MECOM: variants seen among roughly 807,000 people sequenced by gnomAD.
MECOM encodes the protein histone-lysine N-methyltransferase MECOM.
A neutral mutation model predicts 116.3 loss-of-function variants in MECOM; 13 were observed. The observed-to-expected ratio is 0.11, with a 90% CI of 0.07 to 0.18. MECOM has a LOEUF of 0.18. MECOM is among the 10% of genes least tolerant of loss of function. The probability of loss-of-function intolerance (pLI) is 1.00; values close to 1 mark genes in which losing one functional copy is unlikely to be tolerated. For missense variants in MECOM, 1,299 were observed against 1,509.0 expected (o/e 0.86, Z 2.31); for synonymous variants, 528 against 535.2 (o/e 0.99, Z 0.19).
Position 169,663,518 on chromosome 3 carries a change from CTCTCTCTCT to C in MECOM, c.-155_-147del, listed in dbSNP as rs1776610774. The C allele has an allele frequency of 3.8e-5, 26 of 675,384 alleles. No individual in the cohort carries two copies. Among genetic ancestry groups the C allele is most frequent in the Admixed American group, 7.4e-5 (3 of 40,494 alleles). 41.8% of individuals were successfully genotyped at this position (675,384 alleles called of 1,614,324 possible). A position where few individuals can be genotyped will look rare whatever the true frequency, so the allele number is the denominator to read the frequency against. ...TCTCTCTCTCTCTCTCTCTCTCTCT[CTCTCTCTCT>C]CTCCCTCCCTCCTGTTTCTCTCCTG... On this transcript the variant is annotated 5_prime_UTR_variant, in exon 1 of 17. Transcript: ENST00000651503.
At chr3:169,389,355 A>G (rs971055887) in intron 1 of MECOM, among the ~76,000 whole-genome samples, 1 of 152,260 alleles carries the variant, frequency 6.6e-6, no homozygotes, top group Non-Finnish European at 1.5e-5. Context: ...TTCTGTGAGT[A>G]CTATTCCAAA....
intron 1 of MECOM, among the ~76,000 whole-genome samples, chr3:169,498,159 T>C (rs1364959523): frequency 6.6e-6 from 1 of 152,204 alleles, no homozygotes; most frequent in Non-Finnish European, 1.5e-5. Context: ...AATTATTTCT[T>C]CCATATCAGT....
intron 5 of MECOM, among the ~76,000 whole-genome samples, chr3:169,124,011 T>C (rs1019123783): frequency 6.6e-6 from 1 of 152,064 alleles, no homozygotes; most frequent in Non-Finnish European, 1.5e-5. Context: ...ACAAATAGGC[T>C]ATGAAGGGAA....
intron 1 of MECOM, among the ~76,000 whole-genome samples, chr3:169,555,133 C>G (rs1560426716): frequency 6.6e-6 from 1 of 152,074 alleles, no homozygotes; most frequent in East Asian, 1.9e-4. Flanking sequence ...TTTTAGGGGC[C>G]CAGAAATATA....
intron 1 of MECOM, among the ~76,000 whole-genome samples, chr3:169,394,045 C>T (rs1334032248): frequency 1.3e-5 from 2 of 152,044 alleles, no homozygotes; most frequent in Non-Finnish European, 2.9e-5. Flanking sequence ...GGAAAGATAC[C>T]TGAAGTCTAT....
At chr3:169,451,332 G>A (rs1294717286) in intron 1 of MECOM, among the ~76,000 whole-genome samples, 1 of 151,134 alleles carries the variant, frequency 6.6e-6, no homozygotes, top group Non-Finnish European at 1.5e-5. Context: ...GTAAAGAAAA[G>A]TCTTATACAT....
intron 2 of MECOM, among the ~76,000 whole-genome samples, chr3:169,333,260 T>C (rs1176562131): frequency 6.6e-6 from 1 of 152,070 alleles, no homozygotes. Context: ...GGACAAGAGA[T>C]ACAGAGGGGT....
At chr3:169,166,047 G>A (rs1743546735) in intron 2 of MECOM, among the ~76,000 whole-genome samples, 1 of 152,058 alleles carries the variant, frequency 6.6e-6, no homozygotes, top group Non-Finnish European at 1.5e-5. Flanking sequence ...CTCCCTAACT[G>A]TAGGGAGAAA....
intron 1 of MECOM, among the ~76,000 whole-genome samples, chr3:169,395,488 C>G (rs1734882155): frequency 6.6e-6 from 1 of 152,182 alleles, no homozygotes; most frequent in African/African-American, 2.4e-5. Flanking sequence ...AATTTACACA[C>G]ACTCATATGT....
chr3:169,298,273 T>C (rs539888872), intron 2 of MECOM, among the ~76,000 whole-genome samples: 139 of 152,186 alleles, frequency 9.1e-4, no homozygotes, highest in African/African-American at 3.3e-3. Context: ...CTTCTTAATA[T>C]ACACCATATT....
chr3:169,579,497 GT>G (rs1764871725), intron 1 of MECOM, among the ~76,000 whole-genome samples: 1 of 152,146 alleles, frequency 6.6e-6, no homozygotes, highest in Non-Finnish European at 1.5e-5. Flanking sequence ...TAGCCCTCCT[GT>G]TTCCTGAAGG....
rs1731819639 is a variant in MECOM, at chr3:169,378,571, A to G, written c.375+2616T>C. On this transcript the variant is annotated intron_variant, in intron 2 of 16. Coordinates refer to ENST00000651503, the MANE Select transcript of MECOM (RefSeq NM_004991.4). ...GAAAGAAAGAAAGAAAGAAAGAAAG[A>G]AAGAAAGAAAGAAAGTAAGTAAGTA... Among the ~76,000 whole-genome samples the G allele has an allele frequency of 2.3e-5, 3 of 129,898 alleles. 1 individual carries two copies. The highest frequency in any genetic ancestry group is 3.3e-5 in the Non-Finnish European group (2 of 61,292). 85.2% of individuals were successfully genotyped at this position (129,898 alleles called of 152,430 possible).
intron 2 of MECOM, among the ~76,000 whole-genome samples, chr3:169,333,924 C>A (rs1450991659): frequency 8.1e-6 from 1 of 124,222 alleles, no homozygotes. Context: ...TTCCTTCCTT[C>A]TTTCTTTGTC....
At chr3:169,637,152 G>A (rs4955664) in intron 1 of MECOM, among the ~76,000 whole-genome samples, 2 of 152,108 alleles carry the variant, frequency 1.3e-5, no homozygotes, top group Admixed American at 6.5e-5. Flanking sequence ...TGCAAACATT[G>A]ATGTCCTCAA....
At position 169,485,974 on chromosome 3, in the gene MECOM, A is replaced by ATATATATACTATATATG. The variant is rs1560340845; in HGVS notation, c.38-104451_38-104450insCATATATAGTATATATA. Among the ~76,000 whole-genome samples the ATATATATACTATATATG allele has an allele frequency of 0.013, 598 of 45,752 alleles. 20 individuals are homozygous for ATATATATACTATATATG. The East Asian group carries it at 0.25, about 19-fold the overall frequency. The allele number at this position is 45,752 out of a possible 152,430, so 30.0% of individuals were successfully genotyped here. A position where few individuals can be genotyped will look rare whatever the true frequency, so the allele number is the denominator to read the frequency against. On this transcript the variant is annotated intron_variant, in intron 1 of 16. Transcript: ENST00000651503. ...ATATGTACATATATACTATATATAC[A>ATATATATACTATATATG]TATATATATAGTATATATATGTATA... is the stretch of plus-strand genomic sequence containing the variant.
chr3:169,407,675 GA>G (rs2108435424), intron 1 of MECOM, among the ~76,000 whole-genome samples: 1 of 152,270 alleles, frequency 6.6e-6, no homozygotes, highest in South Asian at 2.1e-4. Context: ...AATAACTTCT[GA>G]GGATATTTCT....
chr3:169,397,260 C>T lies in MECOM; in HGVS notation c.38-15736G>A, dbSNP rs561341179. 5.8e-4 allele frequency among the ~76,000 whole-genome samples: 88 copies of T among 152,246 alleles called. 1 individual carries two copies. Among genetic ancestry groups the T allele is most frequent in the African/African-American group, 1.9e-3 (78 of 41,544 alleles). On this transcript the variant is annotated intron_variant, in intron 1 of 16. Transcript: ENST00000651503. ...ATGGTACAAAAAGATGAGCTAATTCCGCAACACTCCCCTGCCATAGTTTCT... is the reference window on the plus strand; with the variant it reads ...ATGGTACAAAAAGATGAGCTAATTCTGCAACACTCCCCTGCCATAGTTTCT...
intron 9 of MECOM, 119 bp downstream of exon 9, chr3:169,112,668 C>T: frequency 1.3e-6 from 1 of 771,688 alleles, no homozygotes; most frequent in Non-Finnish European, 2.1e-6. Context: ...CTGTGTTCTT[C>T]CACACCAGCG....
At chr3:169,659,852 CT>C (rs1776047956) in intron 1 of MECOM, among the ~76,000 whole-genome samples, 1 of 152,066 alleles carries the variant, frequency 6.6e-6, no homozygotes, top group Non-Finnish European at 1.5e-5. Context: ...GGGTCGGCAT[CT>C]ACCTTTCCTA....
Sources: gnomAD v4.1 joint callset for allele counts (sites outside exome capture counted in the v4.1 genomes callset) on GRCh38, gnomAD v4.1.1 for gene constraint, MANE v1.5 for transcripts, NCBI Gene and HGNC (gene_info 2026-07-23, HGNC 2026-07-21) for gene names.